Variants in AUTS2 observed in about 807,000 individuals in gnomAD.
The protein encoded by AUTS2 is activator of transcription and developmental regulator AUTS2.
AUTS2 carries 17 observed loss-of-function variants against 112.4 expected under a neutral mutation model. The observed-to-expected ratio is 0.15, with a 90% CI of 0.10 to 0.23. AUTS2 has a LOEUF of 0.23. Ranked by LOEUF, AUTS2 falls within the 10% of genes least tolerant of loss-of-function variation. The pLI is 1.00. For missense variants in AUTS2, 1,510 were observed against 1,701.6 expected (o/e 0.89, Z 1.98); for synonymous variants, 751 against 702.7 (o/e 1.07, Z -1.09).
intron 6 of AUTS2, among the ~76,000 whole-genome samples, chr7:70,760,937 T>TA (rs1789529769): frequency 6.6e-6 from 1 of 152,178 alleles, no homozygotes; most frequent in African/African-American, 2.4e-5. Flanking sequence ...TCGCTGGTGT[T>TA]ATTGTTCCAG....
chr7:69,925,843 C>G (rs1795986606), intron 2 of AUTS2, among the ~76,000 whole-genome samples: 1 of 152,134 alleles, frequency 6.6e-6, no homozygotes, highest in Admixed American at 6.5e-5. Context: ...TTATTTAACT[C>G]CATTGTGATT....
intron 2 of AUTS2, among the ~76,000 whole-genome samples, chr7:70,098,810 C>A (rs1309552631): frequency 6.6e-6 from 1 of 151,536 alleles, no homozygotes; most frequent in African/African-American, 2.4e-5. Context: ...TCAAGCAATT[C>A]TCCTGCCTCA....
intron 5 of AUTS2, among the ~76,000 whole-genome samples, chr7:70,527,616 C>A (rs1231451330): frequency 6.6e-6 from 1 of 151,884 alleles, no homozygotes; most frequent in African/African-American, 2.4e-5. Flanking sequence ...CTACCTTTTC[C>A]TTTGTTAAAA....
At chr7:70,350,038 G>A (rs1399997546) in intron 4 of AUTS2, among the ~76,000 whole-genome samples, 2 of 152,196 alleles carry the variant, frequency 1.3e-5, no homozygotes, top group African/African-American at 2.4e-5. Flanking sequence ...TTTGTGTTTG[G>A]AAGTGCATTT....
intron 4 of AUTS2, among the ~76,000 whole-genome samples, chr7:70,418,564 G>C (rs1026906826): frequency 1.3e-5 from 2 of 152,150 alleles, no homozygotes; most frequent in African/African-American, 4.8e-5. Context: ...CCACAGAGAT[G>C]CTTCACCAGT....
chr7:70,103,391 T>A (rs180744284), intron 2 of AUTS2, among the ~76,000 whole-genome samples: 1 of 152,082 alleles, frequency 6.6e-6, no homozygotes, highest in Non-Finnish European at 1.5e-5. Context: ...TGTAGCTCAG[T>A]ACAGCAAATA....
intron 4 of AUTS2, among the ~76,000 whole-genome samples, chr7:70,204,709 C>T (rs1810480000): frequency 6.6e-6 from 1 of 152,020 alleles, no homozygotes; most frequent in African/African-American, 2.4e-5. Flanking sequence ...ATCATTGTAT[C>T]CCAAGGGCCT....
intron 4 of AUTS2, among the ~76,000 whole-genome samples, chr7:70,431,080 G>A (rs1183471666): frequency 3.3e-5 from 5 of 151,900 alleles, no homozygotes; most frequent in Middle Eastern, 3.4e-3. Context: ...CTCGTGATCC[G>A]CCCGCCTCGG....
chr7:69,602,080 GTGTGTGTGTGTGTA>G lies in AUTS2; in HGVS notation c.309+2120_309+2133del, dbSNP rs1198486686. On this transcript the variant is annotated intron_variant, in intron 1 of 18. Transcript: ENST00000342771. ...TGTGTGTGTGTGTGTGTGTGTGTGT[GTGTGTGTGTGTGTA>G]TATCTCACTTATGCAGTTCTTTTTG... 6.1e-4 allele frequency among the ~76,000 whole-genome samples: 46 copies of G among 75,982 alleles called. No individual in the cohort carries two copies. In the East Asian group the frequency reaches 8.0e-3, roughly 13 times the overall value. The allele number at this position is 75,982 out of a possible 152,430, so 49.8% of individuals were successfully genotyped here.
rs1796542277 is a variant in AUTS2, at chr7:69,675,897, G to A, written c.309+75935G>A. 3.3e-5 allele frequency among the ~76,000 whole-genome samples: 5 copies of A among 152,154 alleles called. No homozygotes were observed. The South Asian group carries it at 6.2e-4, about 19-fold the overall frequency. On this transcript the variant is annotated intron_variant, in intron 1 of 18. Coordinates refer to ENST00000342771, the MANE Select transcript of AUTS2 (RefSeq NM_015570.4). ...CACATCTGAGGACTGACATCATTTC[G>A]CAGACCGGGAAACTAAGTGTGAGGA...
At chr7:70,610,476 C>A (rs1804036580) in intron 5 of AUTS2, among the ~76,000 whole-genome samples, 1 of 129,552 alleles carries the variant, frequency 7.7e-6, no homozygotes, top group African/African-American at 3.0e-5. Context: ...CATTCTGTTG[C>A]CCAGGCTAGA....
At chr7:70,445,004 A>G (rs1355722573) in intron 5 of AUTS2, among the ~76,000 whole-genome samples, 1 of 152,234 alleles carries the variant, frequency 6.6e-6, no homozygotes, top group Non-Finnish European at 1.5e-5. Flanking sequence ...TAGCAACTAA[A>G]TAGTAATAAT....
chr7:69,921,884 G>A (rs1274124192), intron 2 of AUTS2, among the ~76,000 whole-genome samples: 1 of 151,496 alleles, frequency 6.6e-6, no homozygotes, highest in East Asian at 1.9e-4. Flanking sequence ...TGACCATTAT[G>A]GAGAAACCCC....
chr7:69,751,283 G>A (rs564062040), intron 1 of AUTS2, among the ~76,000 whole-genome samples: 1 of 152,170 alleles, frequency 6.6e-6, no homozygotes, highest in Non-Finnish European at 1.5e-5. Context: ...GCCACAACTA[G>A]CCTTTCATTC....
intron 2 of AUTS2, among the ~76,000 whole-genome samples, chr7:70,113,741 G>A (rs1020055526): frequency 3.9e-5 from 6 of 152,152 alleles, no homozygotes; most frequent in African/African-American, 1.4e-4. Context: ...TGTAAATTTT[G>A]TTTGATGGAT....
intron 2 of AUTS2, among the ~76,000 whole-genome samples, chr7:70,089,448 T>C (rs1402308188): frequency 6.6e-6 from 1 of 152,132 alleles, no homozygotes; most frequent in African/African-American, 2.4e-5. Flanking sequence ...TTTGATAGTG[T>C]CTTTTTTCAT....
intron 6 of AUTS2, among the ~76,000 whole-genome samples, chr7:70,719,385 T>G (rs1364421167): frequency 6.6e-6 from 1 of 152,118 alleles, no homozygotes; most frequent in Non-Finnish European, 1.5e-5. Context: ...AGTACTTAAT[T>G]CTTCTCTCAA....
At chr7:70,513,983 A>G (rs1014804097) in intron 5 of AUTS2, among the ~76,000 whole-genome samples, 1 of 152,094 alleles carries the variant, frequency 6.6e-6, no homozygotes, top group Non-Finnish European at 1.5e-5. Flanking sequence ...TCACCATAGG[A>G]TTTATTAAAT....
chr7:69,900,878 C>T (rs368006155), intron 2 of AUTS2, among the ~76,000 whole-genome samples: 89 of 152,210 alleles, frequency 5.8e-4, no homozygotes, highest in African/African-American at 2.1e-3. Context: ...TAACATTTAC[C>T]TAATGCATAC....
Sources: gnomAD v4.1 joint callset for allele counts (sites outside exome capture counted in the v4.1 genomes callset) on GRCh38, gnomAD v4.1.1 for gene constraint, MANE v1.5 for transcripts, NCBI Gene and HGNC (gene_info 2026-07-23, HGNC 2026-07-21) for gene names.